SHISA9: variants seen among roughly 807,000 people sequenced by gnomAD.
SHISA9 encodes shisa family member 9, also known as protein shisa-9.
A neutral mutation model predicts 38.0 loss-of-function variants in SHISA9; 13 were observed. That is an observed-to-expected ratio of 0.34 (90% CI 0.22 to 0.54). SHISA9 has a LOEUF of 0.54. SHISA9 is among the 20% of genes least tolerant of loss of function. The pLI is 0.91. For synonymous variants in SHISA9, 275 were observed against 242.0 expected, an observed-to-expected ratio of 1.14 and a Z score of -1.27; for missense variants, 538 against 575.8, an observed-to-expected ratio of 0.93 and a Z score of 0.67.
the SHISA9 span, among the ~76,000 whole-genome samples, chr16:13,298,667 G>C: frequency 1.3e-5 from 2 of 152,162 alleles, no homozygotes; most frequent in East Asian, 1.9e-4. Flanking sequence ...GTTGCCTCCA[G>C]GATTGCCTGG....
the SHISA9 span, among the ~76,000 whole-genome samples, chr16:13,420,589 T>C: frequency 6.6e-6 from 1 of 152,160 alleles, no homozygotes; most frequent in South Asian, 2.1e-4. Context: ...ATGTTCCATA[T>C]AGAAGAAACA....
rs1365893900 is a variant in SHISA9 at position 13,203,165 on chromosome 16, G to A, written c.692-229G>A. On this transcript the variant is annotated intron_variant, in intron 2 of 4. Coordinates refer to ENST00000558583, the MANE Select transcript of SHISA9 (RefSeq NM_001145204.3). ...AACATGTTAGTTTAACATGTTTTGA[G>A]CACATCTTTTGAGATGATGTCAGAA... is the stretch of plus-strand genomic sequence containing the variant. The A allele has an allele frequency of 7.8e-6, 3 of 384,024 alleles. No homozygotes were observed. The Admixed American group carries it at 1.3e-4, about 17-fold the overall frequency. The allele number at this position is 384,024 out of a possible 1,614,324, so 23.8% of individuals were successfully genotyped here.
chr16:13,034,648 G>A (rs1168107186), intron 2 of SHISA9, among the ~76,000 whole-genome samples: 1 of 151,858 alleles, frequency 6.6e-6, no homozygotes, highest in Non-Finnish European at 1.5e-5. Context: ...GAGACATGGA[G>A]TCTCTTTCCC....
At chr16:13,472,216 T>C in the SHISA9 span, among the ~76,000 whole-genome samples, 11 of 152,114 alleles carry the variant, frequency 7.2e-5, no homozygotes, top group Non-Finnish European at 8.8e-5. Context: ...TAATTTGCTT[T>C]CACTACAATT....
intron 4 of SHISA9, among the ~76,000 whole-genome samples, chr16:13,234,199 A>G (rs2051358942): frequency 6.6e-6 from 1 of 152,210 alleles, no homozygotes; most frequent in Admixed American, 6.5e-5. Context: ...TCAATGAAAT[A>G]CTAGGTACAC....
chr16:13,258,314 C>T, the SHISA9 span: 1 of 152,122 alleles, frequency 6.6e-6, no homozygotes, highest in Non-Finnish European at 1.5e-5. Context: ...ACTGTGTGTC[C>T]TTTAACTTAA....
the SHISA9 span, among the ~76,000 whole-genome samples, chr16:13,449,031 G>T: frequency 1.3e-5 from 2 of 152,156 alleles, no homozygotes; most frequent in African/African-American, 2.4e-5. Flanking sequence ...TGAAACCTTG[G>T]AAACAAACTA....
chr16:13,510,774 A>G, the SHISA9 span, among the ~76,000 whole-genome samples: 1 of 150,858 alleles, frequency 6.6e-6, no homozygotes, highest in Non-Finnish European at 1.5e-5. Flanking sequence ...TATTGTTGAT[A>G]AATGTGAATT....
the SHISA9 span, among the ~76,000 whole-genome samples, chr16:13,485,376 C>T: frequency 1.3e-5 from 2 of 152,106 alleles, no homozygotes; most frequent in African/African-American, 4.8e-5. Flanking sequence ...TGAGCTCATT[C>T]TTTTTTATGG....
the SHISA9 span, among the ~76,000 whole-genome samples, chr16:13,347,414 T>C: frequency 8.5e-3 from 1,297 of 152,254 alleles, 6 homozygotes; most frequent in Middle Eastern, 0.024. Flanking sequence ...TCCATAATCC[T>C]ATTCCAAGTA....
intron 2 of SHISA9, among the ~76,000 whole-genome samples, chr16:13,019,022 C>T (rs924162772): frequency 6.7e-6 from 1 of 150,172 alleles, no homozygotes; most frequent in Non-Finnish European, 1.5e-5. Flanking sequence ...TTTTTTGAGA[C>T]AGAGTCTTGC....
intron 2 of SHISA9, among the ~76,000 whole-genome samples, chr16:12,978,219 G>A (rs1316920316): frequency 2.0e-5 from 3 of 152,084 alleles, no homozygotes; most frequent in Admixed American, 2.0e-4. Context: ...TACCAAAATG[G>A]CACCACTGAC....
chr16:12,996,856 A>G (rs1392855807), intron 2 of SHISA9, among the ~76,000 whole-genome samples: 1 of 152,174 alleles, frequency 6.6e-6, no homozygotes, highest in African/African-American at 2.4e-5. Context: ...AAAATTCGAA[A>G]AAGATGGATG....
chr16:13,294,124 C>G, the SHISA9 span, among the ~76,000 whole-genome samples: 1 of 152,186 alleles, frequency 6.6e-6, no homozygotes, highest in Admixed American at 6.6e-5. Flanking sequence ...GAAACATATG[C>G]AATATCCTGC....
intron 2 of SHISA9, among the ~76,000 whole-genome samples, chr16:13,071,615 CT>C (rs1399857595): frequency 7.2e-6 from 1 of 139,710 alleles, no homozygotes; most frequent in Non-Finnish European, 1.5e-5. Flanking sequence ...TCTTCCCTTC[CT>C]TCCCTCCCTC....
chr16:13,177,660 G>C (rs1012511731), intron 2 of SHISA9, among the ~76,000 whole-genome samples: 10 of 151,150 alleles, frequency 6.6e-5, no homozygotes, highest in African/African-American at 2.4e-4. Flanking sequence ...CGGTGTTTTT[G>C]TTTGTTTGTT....
At chr16:13,293,180 A>T in the SHISA9 span, among the ~76,000 whole-genome samples, 1 of 152,218 alleles carries the variant, frequency 6.6e-6, no homozygotes, top group South Asian at 2.1e-4. Context: ...GTTATTTCAG[A>T]TAACAGTCCT....
At chr16:13,533,769 C>T in the SHISA9 span, among the ~76,000 whole-genome samples, 1 of 147,866 alleles carries the variant, frequency 6.8e-6, no homozygotes, top group African/African-American at 2.5e-5. Context: ...ATGCATGCTA[C>T]CATAACTCTC....
intron 2 of SHISA9, among the ~76,000 whole-genome samples, chr16:13,041,520 C>A (rs867351133): frequency 6.6e-5 from 10 of 152,342 alleles, no homozygotes; most frequent in Middle Eastern, 3.4e-3. Flanking sequence ...CTTTCTATTC[C>A]TACCAGCCAC....
Sources: gnomAD v4.1 joint callset for allele counts (sites outside exome capture counted in the v4.1 genomes callset) on GRCh38, gnomAD v4.1.1 for gene constraint, MANE v1.5 for transcripts, NCBI Gene and HGNC (gene_info 2026-07-23, HGNC 2026-07-21) for gene names.